SUMF1: variants seen among roughly 807,000 people sequenced by gnomAD.
SUMF1 encodes formylglycine-generating enzyme.
A neutral mutation model predicts 47.6 loss-of-function variants in SUMF1; 48 were observed. The ratio of observed to expected loss-of-function variants is 1.01; its 90% CI spans 0.80 to 1.28. The LOEUF is 1.28. Ranked by LOEUF, SUMF1 falls within the 50% of genes most tolerant of loss-of-function variation. The pLI is 0.00. For synonymous variants in SUMF1, 230 were observed against 192.1 expected, an observed-to-expected ratio of 1.20 and a Z score of -1.63; for missense variants, 571 against 485.4, an observed-to-expected ratio of 1.18 and a Z score of -1.66.
At position 4,423,322 on chromosome 3, in the gene SUMF1, A is replaced by C. The variant is rs1016583657; in HGVS notation, c.520-3176T>G. Among the ~76,000 whole-genome samples, 9 of 149,008 alleles carry C rather than the reference A, an allele frequency of 6.0e-5. 1 individual carries two copies. Among genetic ancestry groups the C allele is most frequent in the Admixed American group, 6.7e-5 (1 of 14,864 alleles). ...CACACACACACACACACACAATGGA[A>C]TACTACTCAGCCATAAAAGAATGAA... On this transcript the variant is annotated intron_variant, in intron 3 of 8. Coordinates refer to ENST00000272902, the MANE Select transcript of SUMF1 (RefSeq NM_182760.4).
At position 4,189,386 on chromosome 3, in the gene SUMF1, T is replaced by G. The variant is rs189281545; in HGVS notation, c.1015-120641A>C. 3.4e-4 allele frequency among the ~76,000 whole-genome samples: 52 copies of G among 152,236 alleles called. 1 individual carries two copies. The highest frequency in any genetic ancestry group is 1.2e-3 in the African/African-American group (48 of 41,526). ...TGCCTTTAAGTGATTCCAGGGAAAT[T>G]TTTAAAAGACAGGCATGTTAATTAA... On this transcript the variant is annotated intron_variant and NMD_transcript_variant, in intron 8 of 12. Transcript: ENST00000448413.
At position 4,456,978 on chromosome 3, in the gene SUMF1, G is replaced by GTA. The variant is rs750647688; in HGVS notation, c.271-3931_271-3930dup. 1.1e-3 allele frequency among the ~76,000 whole-genome samples: 144 copies of GTA among 126,110 alleles called. 2 individuals carry two copies. Among genetic ancestry groups the GTA allele is most frequent in the African/African-American group, 4.2e-3 (140 of 33,476 alleles). 82.7% of individuals were successfully genotyped at this position (126,110 alleles called of 152,430 possible). A position where few individuals can be genotyped will look rare whatever the true frequency, so the allele number is the denominator to read the frequency against. On this transcript the variant is annotated intron_variant, in intron 1 of 8. Coordinates refer to ENST00000272902, the MANE Select transcript of SUMF1 (RefSeq NM_182760.4). ...CGTGTGTGTATATATATACGTGTGTGTATATATATATACGTGTGTGTATAT... is the reference window on the plus strand; with the variant it reads ...CGTGTGTGTATATATATACGTGTGTGTATATATATATATACGTGTGTGTATAT...
intron 8 of SUMF1, among the ~76,000 whole-genome samples, chr3:4,072,695 T>G (rs1348474850): frequency 1.3e-5 from 2 of 152,002 alleles, no homozygotes; most frequent in Non-Finnish European, 2.9e-5. Flanking sequence ...ATACAGAAAC[T>G]TCAATAGCTG....
intron 8 of SUMF1, among the ~76,000 whole-genome samples, chr3:4,124,197 G>A: frequency 6.6e-6 from 1 of 152,080 alleles, no homozygotes; most frequent in African/African-American, 2.4e-5. Flanking sequence ...CACTTGGGGA[G>A]ACAGAATAAA....
chr3:4,342,313 A>C (rs1699288012), intron 8 of SUMF1, among the ~76,000 whole-genome samples: 1 of 152,206 alleles, frequency 6.6e-6, no homozygotes, highest in African/African-American at 2.4e-5. Context: ...CAGGTGGATC[A>C]CTTGAGGTCA....
At position 4,379,852 on chromosome 3, in the gene SUMF1, A is replaced by G. The variant is rs1166483208; in HGVS notation, c.955-3463T>C. ...CGAGCCTCCATCTCAAAAAAAAAAAAAAAAAAAAAAAAAGATACTAAGTGT... is the reference window on the plus strand; with the variant it reads ...CGAGCCTCCATCTCAAAAAAAAAAAGAAAAAAAAAAAAAGATACTAAGTGT... On this transcript the variant is annotated intron_variant, in intron 7 of 8. Coordinates refer to ENST00000272902, the MANE Select transcript of SUMF1 (RefSeq NM_182760.4). Among the ~76,000 whole-genome samples the G allele has an allele frequency of 1.4e-4, 21 of 152,046 alleles. 1 individual carries two copies. In the East Asian group the frequency reaches 2.3e-3, roughly 17 times the overall value.
chr3:4,432,700 T>A (rs1455437373), intron 3 of SUMF1, among the ~76,000 whole-genome samples: 5 of 152,242 alleles, frequency 3.3e-5, no homozygotes, highest in Non-Finnish European at 7.3e-5. Context: ...TATTCTGTTT[T>A]ATTTGAATCG....
intron 9 of SUMF1, among the ~76,000 whole-genome samples, chr3:4,064,531 T>G (rs1448048861): frequency 6.6e-6 from 1 of 152,172 alleles, no homozygotes; most frequent in Admixed American, 6.5e-5. Context: ...ACTCTGCCTA[T>G]GGAGTAGGCA....
At position 4,214,796 on chromosome 3, in the gene SUMF1, A is replaced by C. The variant is rs1695881713; in HGVS notation, c.1015-146051T>G. ...TGCGAAAATAAGCTAAAAAACCTAG[A>C]AAAAATGAATAAATTCCTGGACACA... is the stretch of plus-strand genomic sequence containing the variant. On this transcript the variant is annotated intron_variant and NMD_transcript_variant, in intron 8 of 12. Transcript: ENST00000448413. 2.0e-5 allele frequency among the ~76,000 whole-genome samples: 3 copies of C among 151,814 alleles called. No homozygotes were observed. The South Asian group carries it at 6.6e-4, about 33-fold the overall frequency.
intron 8 of SUMF1, chr3:4,313,913 A>G (rs1698531015): frequency 5.1e-6 from 7 of 1,359,240 alleles, no homozygotes; most frequent in Non-Finnish European, 5.9e-6. Flanking sequence ...TTTCTGTAAT[A>G]GAATTCTCCA....
chr3:4,128,938 G>C (rs2125084897), intron 8 of SUMF1, among the ~76,000 whole-genome samples: 1 of 152,232 alleles, frequency 6.6e-6, no homozygotes, highest in East Asian at 1.9e-4. Flanking sequence ...TGGATTGAAA[G>C]ATGACCTACT....
At chr3:4,367,640 AT>A (rs1700023186) in intron 8 of SUMF1, among the ~76,000 whole-genome samples, 1 of 152,156 alleles carries the variant, frequency 6.6e-6, no homozygotes, top group Non-Finnish European at 1.5e-5. Flanking sequence ...AAACAGAGAT[AT>A]AGATCAATGG....
chr3:4,192,402 A>G (rs930761471), intron 8 of SUMF1, among the ~76,000 whole-genome samples: 3 of 152,100 alleles, frequency 2.0e-5, no homozygotes, highest in Non-Finnish European at 4.4e-5. Context: ...AGTTCTAGAA[A>G]TCCATATGAC....
At chr3:4,353,279 A>C (rs185347539) in intron 8 of SUMF1, among the ~76,000 whole-genome samples, 1 of 152,094 alleles carries the variant, frequency 6.6e-6, no homozygotes, top group African/African-American at 2.4e-5. Context: ...TTGAGACGGA[A>C]TCTCACTCTG....
At chr3:4,369,062 T>A (rs996151649) in intron 8 of SUMF1, among the ~76,000 whole-genome samples, 17 of 149,566 alleles carry the variant, frequency 1.1e-4, no homozygotes, top group Non-Finnish European at 1.5e-4. Context: ...TTTTTTTTTT[T>A]AAATTATTCT....
intron 6 of SUMF1, 23 bp from the exon 7 acceptor site, chr3:4,411,001 T>C (rs778118114): frequency 4.5e-5 from 71 of 1,594,466 alleles, no homozygotes; most frequent in Non-Finnish European, 5.5e-5. Flanking sequence ...ACAGGAAAAA[T>C]GCTGTCAAAC....
chr3:4,445,741 T>C (rs769947360), intron 3 of SUMF1, among the ~76,000 whole-genome samples: 21 of 152,138 alleles, frequency 1.4e-4, no homozygotes, highest in Non-Finnish European at 2.6e-4. Flanking sequence ...GAACTAAATA[T>C]ATACACAGAC....
At position 4,370,576 on chromosome 3, in the gene SUMF1, T is replaced by C. The variant is rs377577225; in HGVS notation, c.1014+5754A>G. ...ACCACTCAAATGAACTGTTGGGATC[T>C]GCCCAAAGCACTGGGTTGAGGATTC... On this transcript the variant is annotated intron_variant, in intron 8 of 8. Coordinates refer to ENST00000272902, the MANE Select transcript of SUMF1 (RefSeq NM_182760.4). Among the ~76,000 whole-genome samples the C allele has an allele frequency of 9.8e-4, 149 of 152,292 alleles. 1 individual carries two copies. Among genetic ancestry groups the C allele is most frequent in the African/African-American group, 3.4e-3 (143 of 41,552 alleles).
chr3:4,034,674 T>C (rs1467855018), intron 9 of SUMF1, among the ~76,000 whole-genome samples: 2 of 152,048 alleles, frequency 1.3e-5, no homozygotes, highest in East Asian at 3.9e-4. Context: ...AAATATTCCG[T>C]GGCAGGCTCC....
Sources: allele counts gnomAD v4.1 joint callset (sites outside exome capture counted in the v4.1 genomes callset), GRCh38; gene constraint gnomAD v4.1.1; transcripts MANE v1.5; gene names NCBI Gene and HGNC (gene_info 2026-07-23, HGNC 2026-07-21).